Variants in TMEM128 observed in about 807,000 individuals in gnomAD.
TMEM128 encodes transmembrane protein 128.
TMEM128 carries 16 observed loss-of-function variants against 19.7 expected under a neutral mutation model. That is an observed-to-expected ratio of 0.81 (90% CI 0.55 to 1.23). TMEM128 has a LOEUF of 1.23. Ranked by LOEUF, TMEM128 falls within the 50% of genes most tolerant of loss-of-function variation. TMEM128 has a pLI of 0.00. For missense variants in TMEM128, 237 were observed against 200.8 expected (o/e 1.18, Z -1.09); for synonymous variants, 98 against 75.8 (o/e 1.29, Z -1.52).
At chr4:4,240,183 C>A in intron 3 of TMEM128, 138 bp downstream of exon 3, 2 of 767,588 alleles carry the variant, frequency 2.6e-6, no homozygotes, top group Non-Finnish European at 2.1e-6. Context: ...CAAAAGGGAA[C>A]CAGAGAGCAT....
chr4:4,241,572 G>A (rs1717958358), intron 2 of TMEM128, among the ~76,000 whole-genome samples: 1 of 152,180 alleles, frequency 6.6e-6, no homozygotes, highest in South Asian at 2.1e-4. Flanking sequence ...AGTTACAAAG[G>A]CACAAAGTGA....
chr4:4,248,156 A>T lies in TMEM128; in HGVS notation c.47T>A (p.Leu16His). Residue 16 changes from leucine to histidine, a missense_variant, in exon 1 of 5, where the codon CTC becomes CAC. Leu to His is a moderately conservative substitution (Grantham distance 99). Coordinates refer to ENST00000382753, the MANE Select transcript of TMEM128 (RefSeq NM_001297551.2). Reference protein sequence around the residue: ...ARQQLRRRFLLLPDAEAQLDR... With the variant: ...ARQQLRRRFLHLPDAEAQLDR... The stretch of plus-strand genomic sequence containing the variant: ...CAGCTGGGCCTCGGCGTCCGGCAGG[A>T]GGAGGAATCGCCGCCGGAGCTGCTG... 6.5e-7 allele frequency: 1 copy of T among 1,534,606 alleles called. No individual in the cohort carries two copies. The highest frequency in any genetic ancestry group is 2.5e-5 in the East Asian group (1 of 40,264).
At chr4:4,246,911 C>T (rs1383075429) in intron 1 of TMEM128, among the ~76,000 whole-genome samples, 1 of 152,062 alleles carries the variant, frequency 6.6e-6, no homozygotes, top group African/African-American at 2.4e-5. Flanking sequence ...CCACGCCGGG[C>T]TAATTTTTGT....
At chr4:4,247,060 A>T (rs1017365359) in intron 1 of TMEM128, among the ~76,000 whole-genome samples, 5 of 152,152 alleles carry the variant, frequency 3.3e-5, no homozygotes, top group Admixed American at 6.6e-5. Context: ...TACCCTGCCC[A>T]GCCTATAACT....
chr4:4,247,072 A>T (rs1159543965), intron 1 of TMEM128, among the ~76,000 whole-genome samples: 1 of 152,120 alleles, frequency 6.6e-6, no homozygotes, highest in Non-Finnish European at 1.5e-5. Context: ...CCTATAACTA[A>T]ATATTTTAGT....
At chr4:4,247,298 T>C (rs1421674075) in intron 1 of TMEM128, among the ~76,000 whole-genome samples, 1 of 152,186 alleles carries the variant, frequency 6.6e-6, no homozygotes, top group Non-Finnish European at 1.5e-5. Flanking sequence ...ATGGTCCACA[T>C]CTGAGGTTTT....
intron 4 of TMEM128, among the ~76,000 whole-genome samples, chr4:4,237,597 T>C (rs1717772372): frequency 6.6e-6 from 1 of 152,202 alleles, no homozygotes; most frequent in African/African-American, 2.4e-5. Flanking sequence ...TGAGCTGTGA[T>C]CATGCCACCG....
intron 3 of TMEM128, among the ~76,000 whole-genome samples, chr4:4,238,344 T>C (rs1717809312): frequency 6.6e-6 from 1 of 152,238 alleles, no homozygotes; most frequent in Non-Finnish European, 1.5e-5. Context: ...TTATCACTTA[T>C]AAGCTGCTAT....
intron 1 of TMEM128, chr4:4,247,673 T>C: frequency 6.2e-7 from 1 of 1,614,014 alleles, no homozygotes; most frequent in Non-Finnish European, 8.5e-7. Flanking sequence ...CATTGGTACA[T>C]ACGAGTCGAC....
chr4:4,247,785 A>G, intron 1 of TMEM128: 2 of 1,473,532 alleles, frequency 1.4e-6, no homozygotes, highest in Admixed American at 4.4e-5. Context: ...GCAATCCTGA[A>G]GTGAAACACT....
rs6854167 is a variant in TMEM128, at chr4:4,248,157, G to A, written c.46C>T (p.Leu16Phe). 1.2e-5 allele frequency: 19 copies of A among 1,534,030 alleles called. No homozygotes were observed. The highest frequency in any genetic ancestry group is 2.5e-5 in the East Asian group (1 of 40,248). The change falls in exon 1 of 5, where the codon CTC becomes TTC. Residue 16 changes from leucine (L) to phenylalanine (F), a missense_variant. Coordinates refer to ENST00000382753, the MANE Select transcript of TMEM128 (RefSeq NM_001297551.2). ...ARQQLRRRFLLLPDAEAQLDR... is the reference protein window; with the variant it reads ...ARQQLRRRFLFLPDAEAQLDR... ...AGCTGGGCCTCGGCGTCCGGCAGGA[G>A]GAGGAATCGCCGCCGGAGCTGCTGC...
intron 1 of TMEM128, among the ~76,000 whole-genome samples, chr4:4,246,726 G>A (rs892080732): frequency 2.0e-5 from 3 of 151,864 alleles, no homozygotes; most frequent in Non-Finnish European, 2.9e-5. Context: ...TGGACTTGTG[G>A]TCTTCCAAGA....
At chr4:4,244,000 G>A (rs750707700) in intron 2 of TMEM128, among the ~76,000 whole-genome samples, 3 of 152,136 alleles carry the variant, frequency 2.0e-5, no homozygotes, top group Non-Finnish European at 4.4e-5. Context: ...GATACCCTGC[G>A]CCTACACTTA....
intron 2 of TMEM128, among the ~76,000 whole-genome samples, chr4:4,243,347 G>A (rs1013236906): frequency 3.9e-5 from 6 of 152,208 alleles, no homozygotes; most frequent in Non-Finnish European, 2.9e-5. Flanking sequence ...CTCCCAAAGC[G>A]CTGGGATTAC....
Position 4,240,311 on chromosome 4 carries a change from G to A in TMEM128, c.398+10C>T, listed in dbSNP as rs1717895284. ...GTTCATTCCTGTTAGTCATTTCAAA[G>A]TTAACTTACCAAATTCCTGCTGCAA... On this transcript the variant is annotated intron_variant, in intron 3 of 4. Transcript: ENST00000382753. 3.7e-6 allele frequency: 6 copies of A among 1,612,590 alleles called. No homozygotes were observed. The Admixed American group carries it at 5.0e-5, about 13-fold the overall frequency.
At chr4:4,239,498 G>T (rs1176075319) in intron 3 of TMEM128, among the ~76,000 whole-genome samples, 1 of 152,132 alleles carries the variant, frequency 6.6e-6, no homozygotes, top group Non-Finnish European at 1.5e-5. Flanking sequence ...TGAAGTCAAA[G>T]GTACGTACAT....
chr4:4,244,949 C>G (rs1171194372), intron 2 of TMEM128, among the ~76,000 whole-genome samples: 1 of 152,186 alleles, frequency 6.6e-6, no homozygotes, highest in East Asian at 1.9e-4. Flanking sequence ...AAATAAACTC[C>G]CCTCTGCCTA....
intron 2 of TMEM128, among the ~76,000 whole-genome samples, chr4:4,245,600 A>T (rs1396031917): frequency 6.6e-6 from 1 of 152,134 alleles, no homozygotes; most frequent in African/African-American, 2.4e-5. Flanking sequence ...CAACACATTT[A>T]TTTGCACACA....
At chr4:4,243,780 C>T (rs1437382754) in intron 2 of TMEM128, among the ~76,000 whole-genome samples, 3 of 152,166 alleles carry the variant, frequency 2.0e-5, no homozygotes, top group Admixed American at 2.0e-4. Flanking sequence ...TGCCACACAG[C>T]AGTTATGTGG....
Sources: allele counts gnomAD v4.1 joint callset (sites outside exome capture counted in the v4.1 genomes callset), GRCh38; gene constraint gnomAD v4.1.1; transcripts MANE v1.5; gene names NCBI Gene and HGNC (gene_info 2026-07-23, HGNC 2026-07-21).